Variants in ZNF385D observed in about 807,000 individuals in gnomAD.
ZNF385D encodes zinc finger protein 385D.
Under a neutral mutation model 35.8 loss-of-function variants are expected in ZNF385D, and 15 were observed. That is an observed-to-expected ratio of 0.42 (90% CI 0.28 to 0.64). The LOEUF is 0.64. Ranked by LOEUF, ZNF385D falls within the 30% of genes least tolerant of loss-of-function variation. The pLI, the probability that ZNF385D is intolerant of heterozygous loss-of-function variation, is 0.23. For missense variants in ZNF385D, 474 were observed against 494.6 expected (o/e 0.96, Z 0.39); for synonymous variants, 212 against 186.8 (o/e 1.13, Z -1.10).
chr3:22,001,032 A>G (rs928896415), intron 3 of ZNF385D, among the ~76,000 whole-genome samples: 7 of 152,152 alleles, frequency 4.6e-5, no homozygotes, highest in African/African-American at 1.4e-4. Context: ...ACTGAATGTT[A>G]TATAAAATCA....
At chr3:22,223,348 C>A (rs1218755472) in intron 2 of ZNF385D, among the ~76,000 whole-genome samples, 4 of 152,068 alleles carry the variant, frequency 2.6e-5, no homozygotes, top group Non-Finnish European at 4.4e-5. Context: ...GTAATGGCTT[C>A]TGACAAACTG....
intron 2 of ZNF385D, among the ~76,000 whole-genome samples, chr3:21,600,812 T>TATAA (rs2064264859): frequency 6.6e-6 from 1 of 152,004 alleles, no homozygotes. Context: ...TCTGAGAAAT[T>TATAA]ATAAATATGA....
At chr3:22,072,221 G>C (rs1700263105) in intron 3 of ZNF385D, among the ~76,000 whole-genome samples, 1 of 152,166 alleles carries the variant, frequency 6.6e-6, no homozygotes, top group Non-Finnish European at 1.5e-5. Flanking sequence ...AAAAAGGATA[G>C]AATTTCTTAA....
chr3:21,936,110 G>A (rs1333699682), intron 3 of ZNF385D, among the ~76,000 whole-genome samples: 1 of 152,038 alleles, frequency 6.6e-6, no homozygotes, highest in Non-Finnish European at 1.5e-5. Context: ...GGGATGAGGA[G>A]GTGAGAGAGG....
intron 2 of ZNF385D, among the ~76,000 whole-genome samples, chr3:21,660,895 T>C (rs2066219474): frequency 6.6e-6 from 1 of 152,214 alleles, no homozygotes; most frequent in Admixed American, 6.6e-5. Flanking sequence ...ATAGTGCTTT[T>C]CATTCTATCA....
At chr3:22,123,488 A>T (rs1222158863) in intron 3 of ZNF385D, among the ~76,000 whole-genome samples, 1 of 152,174 alleles carries the variant, frequency 6.6e-6, no homozygotes, top group Admixed American at 6.5e-5. Flanking sequence ...TCAAGCATTT[A>T]TCATTTCTTT....
chr3:21,962,301 G>C (rs1211223571), intron 3 of ZNF385D, among the ~76,000 whole-genome samples: 1 of 152,114 alleles, frequency 6.6e-6, no homozygotes, highest in Non-Finnish European at 1.5e-5. Context: ...TGGAAAAAGA[G>C]GGGTAGAAGG....
intron 2 of ZNF385D, among the ~76,000 whole-genome samples, chr3:21,604,540 AAAGT>A (rs1466932930): frequency 6.6e-6 from 1 of 152,212 alleles, no homozygotes; most frequent in East Asian, 1.9e-4. Context: ...GAGTAAGAGA[AAAGT>A]AAGAGTATTT....
At chr3:22,181,078 T>A (rs370983618) in intron 2 of ZNF385D, among the ~76,000 whole-genome samples, 1 of 152,052 alleles carries the variant, frequency 6.6e-6, no homozygotes, top group African/African-American at 2.4e-5. Flanking sequence ...TTTTGTAATA[T>A]AGACTTTCTT....
chr3:21,685,325 A>G (rs1157201510), intron 1 of ZNF385D, among the ~76,000 whole-genome samples: 1 of 152,206 alleles, frequency 6.6e-6, no homozygotes, highest in Non-Finnish European at 1.5e-5. Context: ...AATTCAACCT[A>G]TGCTTGAAAC....
chr3:21,824,910 TA>T, intron 3 of ZNF385D, among the ~76,000 whole-genome samples: 1 of 152,342 alleles, frequency 6.6e-6, no homozygotes, highest in East Asian at 1.9e-4. Context: ...TGATTGTAAC[TA>T]TAATATGATA....
At chr3:21,752,462 A>G (rs934233090), upstream of ZNF385D, among the ~76,000 whole-genome samples, 2 of 152,148 alleles carry the variant, frequency 1.3e-5, no homozygotes, top group Admixed American at 6.5e-5. Context: ...ACGCGATTCT[A>G]TATCTCTTGG....
intron 3 of ZNF385D, among the ~76,000 whole-genome samples, chr3:21,550,640 G>A (rs1284005853): frequency 6.6e-6 from 1 of 152,028 alleles, no homozygotes; most frequent in East Asian, 1.9e-4. Context: ...GTGCCACCAT[G>A]CCCAACTAAT....
At chr3:22,046,660 T>C (rs1699023583) in intron 3 of ZNF385D, among the ~76,000 whole-genome samples, 1 of 152,138 alleles carries the variant, frequency 6.6e-6, no homozygotes, top group African/African-American at 2.4e-5. Context: ...ATTTAACCCC[T>C]ATGAAATTTA....
intron 3 of ZNF385D, among the ~76,000 whole-genome samples, chr3:22,144,674 C>T (rs116449761): frequency 2.7e-5 from 4 of 150,620 alleles, no homozygotes; most frequent in African/African-American, 9.8e-5. Flanking sequence ...GTAGATATCA[C>T]CAATAGTACA....
At chr3:22,192,090 G>A (rs998454186) in intron 2 of ZNF385D, among the ~76,000 whole-genome samples, 2 of 151,976 alleles carry the variant, frequency 1.3e-5, no homozygotes, top group Admixed American at 6.6e-5. Context: ...TTCTTTCAAC[G>A]ATAGTGCCCT....
chr3:22,179,384 G>A (rs9882256), intron 2 of ZNF385D, among the ~76,000 whole-genome samples: 13,744 of 151,426 alleles, frequency 0.091, 605 homozygotes, highest in African/African-American at 0.28. Flanking sequence ...TGGCTCTCTT[G>A]TGTGTCTGTT....
chr3:21,489,408 A>G (rs189251535), intron 4 of ZNF385D, among the ~76,000 whole-genome samples: 110 of 152,300 alleles, frequency 7.2e-4, no homozygotes, highest in African/African-American at 2.5e-3. Context: ...TAAATGGCAC[A>G]GCAGATGTCT....
intron 3 of ZNF385D, among the ~76,000 whole-genome samples, chr3:21,524,578 G>A (rs1708114190): frequency 6.6e-6 from 1 of 152,056 alleles, no homozygotes. Flanking sequence ...ATTTCTCTCT[G>A]TATATAGAAA....
Sources: gnomAD v4.1 joint callset for allele counts (sites outside exome capture counted in the v4.1 genomes callset) on GRCh38, gnomAD v4.1.1 for gene constraint, MANE v1.5 for transcripts, NCBI Gene and HGNC (gene_info 2026-07-23, HGNC 2026-07-21) for gene names.